The following SPIDR variants were observed in gnomAD, a reference collection of about 807,000 sequenced individuals.
SPIDR encodes the protein DNA repair-scaffolding protein.
A neutral mutation model predicts 104.6 loss-of-function variants in SPIDR; 93 were observed. That is an observed-to-expected ratio of 0.89 (90% CI 0.75 to 1.06). The LOEUF (loss-of-function observed/expected upper bound fraction) is 1.06. SPIDR is among the 50% of genes least tolerant of loss of function. SPIDR has a pLI of 0.00. For missense variants in SPIDR, 1,154 were observed against 1,111.2 expected, an observed-to-expected ratio of 1.04 and a Z score of -0.55; for synonymous variants, 431 against 416.9, an observed-to-expected ratio of 1.03 and a Z score of -0.41.
At chr8:47,493,957 G>A (rs1207602884) in intron 8 of SPIDR, among the ~76,000 whole-genome samples, 3 of 152,082 alleles carry the variant, frequency 2.0e-5, no homozygotes, top group Non-Finnish European at 4.4e-5. Context: ...GCATAAGGGG[G>A]AGAGCAAATT....
intron 10 of SPIDR, among the ~76,000 whole-genome samples, chr8:47,637,787 A>G (rs1356399196): frequency 6.6e-6 from 1 of 152,162 alleles, no homozygotes; most frequent in Non-Finnish European, 1.5e-5. Context: ...TTTCTGCACT[A>G]TGAAGTTACT....
intron 5 of SPIDR, among the ~76,000 whole-genome samples, chr8:47,387,662 T>C (rs2060114462): frequency 6.6e-6 from 1 of 152,150 alleles, no homozygotes; most frequent in African/African-American, 2.4e-5. Context: ...TATTGAGATA[T>C]TTGTGAATAT....
intron 5 of SPIDR, among the ~76,000 whole-genome samples, chr8:47,383,208 G>C (rs782064598): frequency 3.3e-5 from 5 of 152,044 alleles, no homozygotes; most frequent in African/African-American, 1.2e-4. Context: ...TCTTTGTGCT[G>C]GTCCTCTTGA....
chr8:47,374,070 C>T (rs891207540), intron 5 of SPIDR, among the ~76,000 whole-genome samples: 11 of 152,140 alleles, frequency 7.2e-5, no homozygotes, highest in African/African-American at 9.7e-5. Context: ...TCTACTGAGA[C>T]GTCTTTTTTT....
chr8:47,555,968 G>T (rs1451134665), intron 8 of SPIDR, among the ~76,000 whole-genome samples: 1 of 152,098 alleles, frequency 6.6e-6, no homozygotes, highest in African/African-American at 2.4e-5. Context: ...AATAATAGAA[G>T]CAAAAACTCT....
At chr8:47,497,106 C>T (rs532272264) in intron 8 of SPIDR, among the ~76,000 whole-genome samples, 2 of 151,794 alleles carry the variant, frequency 1.3e-5, no homozygotes, top group South Asian at 4.2e-4. Flanking sequence ...CTCATTTTTT[C>T]TTGGTCACCC....
intron 5 of SPIDR, among the ~76,000 whole-genome samples, chr8:47,339,899 T>C (rs2050414811): frequency 6.6e-6 from 1 of 152,062 alleles, no homozygotes; most frequent in Non-Finnish European, 1.5e-5. Flanking sequence ...CAGGCTGGTC[T>C]GGAACTCATG....
At position 47,417,436 on chromosome 8, in the gene SPIDR, T is replaced by A. The variant is rs199605558; in HGVS notation, c.877+9475T>A. 5.7e-3 allele frequency among the ~76,000 whole-genome samples: 865 copies of A among 152,322 alleles called. 22 individuals are homozygous for A. The East Asian group carries it at 0.082, about 14-fold the overall frequency. On this transcript the variant is annotated intron_variant, in intron 7 of 19. Transcript: ENST00000297423. ...TGCATAAATGTCTTCTTGTGAGAAG[T>A]GTCTGTTCATATCCTTTGCCCACTT...
At chr8:47,343,233 A>G (rs1554615148) in intron 5 of SPIDR, among the ~76,000 whole-genome samples, 1 of 152,204 alleles carries the variant, frequency 6.6e-6, no homozygotes, top group Non-Finnish European at 1.5e-5. Context: ...AGGAAAACAA[A>G]GATTCCCTTT....
intron 5 of SPIDR, among the ~76,000 whole-genome samples, chr8:47,317,493 G>A (rs931076757): frequency 0.11 from 17,045 of 152,038 alleles, 1,352 homozygotes; most frequent in African/African-American, 0.23. Context: ...GTTCAAGGAG[G>A]CCTGCCTGCC....
chr8:47,504,981 G>A (rs571966363), intron 8 of SPIDR, among the ~76,000 whole-genome samples: 7 of 152,278 alleles, frequency 4.6e-5, no homozygotes, highest in African/African-American at 7.2e-5. Context: ...CTGCCTGATC[G>A]TTTCTCTGGA....
intron 8 of SPIDR, among the ~76,000 whole-genome samples, chr8:47,567,623 G>A (rs2058031046): frequency 6.6e-6 from 1 of 152,086 alleles, no homozygotes; most frequent in Non-Finnish European, 1.5e-5. Flanking sequence ...CAAAAGCTCA[G>A]TTACTCAGAG....
At chr8:47,370,392 T>G (rs1170250722) in intron 5 of SPIDR, among the ~76,000 whole-genome samples, 1 of 151,950 alleles carries the variant, frequency 6.6e-6, no homozygotes, top group African/African-American at 2.4e-5. Flanking sequence ...GCTGTTGTTA[T>G]TTAGAGATCA....
In SPIDR at chr8:47,701,762, C is replaced by T; in HGVS notation, c.1815C>T (p.Leu605=). Residue 605 remains leucine (L), a synonymous_variant, in exon 13 of 20, where the codon CTC becomes CTT. Coordinates refer to ENST00000297423, the MANE Select transcript of SPIDR (RefSeq NM_001080394.4). ...CTCCTCCAGCCTTGTGTTACATCCT[C>T]ACAGCTCATCCAAATCTGGGACAAA... ...HLPPPALCYI[L]TAHPNLGQID... 6.2e-7 allele frequency: 1 copy of T among 1,614,184 alleles called. No homozygotes were observed. The highest frequency in any genetic ancestry group is 8.5e-7 in the Non-Finnish European group (1 of 1,180,026).
chr8:47,540,643 T>C (rs1181807746), intron 8 of SPIDR, among the ~76,000 whole-genome samples: 1 of 152,180 alleles, frequency 6.6e-6, no homozygotes, highest in Non-Finnish European at 1.5e-5. Context: ...TGATTTACAG[T>C]ATTGCCAGTA....
chr8:47,353,036 G>C (rs184680739), intron 5 of SPIDR, among the ~76,000 whole-genome samples: 460 of 121,392 alleles, frequency 3.8e-3, no homozygotes, highest in African/African-American at 0.014. Context: ...CCAGGCGACA[G>C]AGCGGGACTC....
chr8:47,639,159 T>C (rs1270471268), intron 10 of SPIDR, among the ~76,000 whole-genome samples: 1 of 152,252 alleles, frequency 6.6e-6, no homozygotes, highest in Non-Finnish European at 1.5e-5. Context: ...GTTCTAGTTA[T>C]GGTTGTCTTT....
At chr8:47,295,700 C>G (rs2040720185) in intron 5 of SPIDR, among the ~76,000 whole-genome samples, 1 of 152,112 alleles carries the variant, frequency 6.6e-6, no homozygotes, top group African/African-American at 2.4e-5. Context: ...ATGCATTCGT[C>G]TAGACACCTA....
intron 8 of SPIDR, among the ~76,000 whole-genome samples, chr8:47,525,599 G>A (rs964720233): frequency 1.4e-5 from 2 of 145,410 alleles, no homozygotes; most frequent in African/African-American, 4.9e-5. Flanking sequence ...TCAGGAGTTC[G>A]AGACCAGCCT....
Sources: gnomAD v4.1 joint callset for allele counts (sites outside exome capture counted in the v4.1 genomes callset) on GRCh38, gnomAD v4.1.1 for gene constraint, MANE v1.5 for transcripts, NCBI Gene and HGNC (gene_info 2026-07-23, HGNC 2026-07-21) for gene names.